Variants in DIP2C observed in about 807,000 individuals in gnomAD.
The protein encoded by DIP2C is DIP2 acetate--CoA ligase C (putative).
In DIP2C, 33 loss-of-function variants were observed where a neutral mutation model predicts 192.4. The observed-to-expected ratio is 0.17, with a 90% CI of 0.13 to 0.23. The LOEUF (loss-of-function observed/expected upper bound fraction) is 0.23, where lower values mean the gene tolerates loss of function less well. DIP2C is among the 10% of genes least tolerant of loss of function. DIP2C has a pLI of 1.00. For synonymous variants in DIP2C, 979 were observed against 864.1 expected (o/e 1.13, Z -2.33); for missense variants, 1,537 against 2,110.1 (o/e 0.73, Z 5.32).
chr10:317,607 G>C (rs938275655), intron 31 of DIP2C, among the ~76,000 whole-genome samples: 7 of 152,222 alleles, frequency 4.6e-5, no homozygotes, highest in African/African-American at 1.7e-4. Flanking sequence ...AGCCAGGCAT[G>C]TTCTGTGACT....
intron 3 of DIP2C, among the ~76,000 whole-genome samples, chr10:450,662 T>C (rs1174170756): frequency 6.6e-6 from 1 of 152,206 alleles, no homozygotes; most frequent in Non-Finnish European, 1.5e-5. Flanking sequence ...CACCTGGGTC[T>C]GTGACCCACA....
At chr10:657,276 C>A (rs1411099541) in intron 1 of DIP2C, among the ~76,000 whole-genome samples, 1 of 3,830 alleles carries the variant, frequency 2.6e-4, no homozygotes, top group African/African-American at 6.1e-4. Context: ...TGGACCTGCC[C>A]CTGGACCTGC....
intron 1 of DIP2C, among the ~76,000 whole-genome samples, chr10:587,283 G>A (rs953199140): frequency 1.3e-5 from 2 of 152,104 alleles, no homozygotes; most frequent in African/African-American, 4.8e-5. Flanking sequence ...CCAGGGTCCC[G>A]CTGATACCAT....
intron 1 of DIP2C, among the ~76,000 whole-genome samples, chr10:683,254 G>A (rs1460339790): frequency 6.6e-6 from 1 of 152,250 alleles, no homozygotes; most frequent in African/African-American, 2.4e-5. Context: ...CAGGACGGTT[G>A]TGCAGGCTCC....
At chr10:344,597 A>G (rs146942974) in intron 28 of DIP2C, among the ~76,000 whole-genome samples, 1 of 152,344 alleles carries the variant, frequency 6.6e-6, no homozygotes, top group African/African-American at 2.4e-5. Context: ...TTCACATAAA[A>G]ACATACTTGG....
At chr10:584,119 G>A (rs934190663) in intron 1 of DIP2C, among the ~76,000 whole-genome samples, 3 of 152,128 alleles carry the variant, frequency 2.0e-5, no homozygotes, top group Admixed American at 2.0e-4. Context: ...CCCCAGGGCT[G>A]AGACTACTTC....
At chr10:514,383 C>T (rs1052938520) in intron 1 of DIP2C, among the ~76,000 whole-genome samples, 2 of 152,218 alleles carry the variant, frequency 1.3e-5, no homozygotes, top group Admixed American at 6.5e-5. Flanking sequence ...ACAACAGCAA[C>T]GGCCACCATT....
chr10:387,597 G>T (rs1357949017), intron 14 of DIP2C, 148 bp downstream of exon 14: 2 of 719,286 alleles, frequency 2.8e-6, no homozygotes, highest in Non-Finnish European at 5.0e-6. Context: ...CAGGCAGGGT[G>T]GGAGGGAGAC....
chr10:616,843 G>A (rs527486418), intron 1 of DIP2C, among the ~76,000 whole-genome samples: 1 of 152,304 alleles, frequency 6.6e-6, no homozygotes, highest in East Asian at 1.9e-4. Context: ...ATCAGCGAGA[G>A]GCCGCCGTGG....
intron 1 of DIP2C, among the ~76,000 whole-genome samples, chr10:624,503 T>C (rs1361038116): frequency 1.3e-5 from 2 of 152,212 alleles, no homozygotes; most frequent in Non-Finnish European, 2.9e-5. Flanking sequence ...CACGGCTCTT[T>C]AAGTGCCTTT....
rs187575633 is a variant in DIP2C, at chr10:590,765, G to T, written c.85+98729C>A. 8.4e-4 allele frequency among the ~76,000 whole-genome samples: 128 copies of T among 152,310 alleles called. 1 individual carries two copies. Among genetic ancestry groups the T allele is most frequent in the African/African-American group, 3.0e-3 (123 of 41,556 alleles). On this transcript the variant is annotated intron_variant, in intron 1 of 36. Transcript: ENST00000280886. ...ATAGAAGGAACCCAGAAACGCTATT[G>T]AAACTCAAATATCTTACAGCCACCA...
chr10:390,999 A>G, intron 10 of DIP2C, 136 bp from the exon 11 acceptor site: 1 of 1,309,716 alleles, frequency 7.6e-7, no homozygotes, highest in Non-Finnish European at 1.0e-6. Context: ...GCTGCTTGGT[A>G]TCTGTGGGAC....
At chr10:341,081 C>T (rs567559634) in intron 29 of DIP2C, 118 bp downstream of exon 29, 136 of 1,416,240 alleles carry the variant, frequency 9.6e-5, no homozygotes, top group Admixed American at 2.2e-4. Context: ...AAGCCCCAGG[C>T]CTCCTCTGGC....
chr10:606,414 T>A (rs1257185936), intron 1 of DIP2C, among the ~76,000 whole-genome samples: 3 of 151,238 alleles, frequency 2.0e-5, no homozygotes, highest in Non-Finnish European at 4.4e-5. Context: ...AATTACCTGC[T>A]GTGATCCGAA....
At chr10:532,186 A>C (rs1404545638) in intron 1 of DIP2C, among the ~76,000 whole-genome samples, 1 of 152,128 alleles carries the variant, frequency 6.6e-6, no homozygotes, top group Non-Finnish European at 1.5e-5. Flanking sequence ...TTTGTATTGC[A>C]TGGATGTAAA....
intron 1 of DIP2C, among the ~76,000 whole-genome samples, chr10:509,813 A>G (rs1426623736): frequency 2.6e-5 from 4 of 151,940 alleles, no homozygotes. Flanking sequence ...TTCGGCATGG[A>G]GAGCAGCTTG....
rs181249930 is a variant in DIP2C at position 307,683 on chromosome 10, A to C, written c.3986+2348T>G. ...CAAAGAGAGAACATCGCGGAGAAAA[A>C]AACAGAAAGGAATGAGAAGAGTGAG... On this transcript the variant is annotated intron_variant, in intron 32 of 36. Transcript: ENST00000280886. 5.1e-4 allele frequency among the ~76,000 whole-genome samples: 77 copies of C among 152,282 alleles called. No homozygotes were observed. The East Asian group carries it at 0.015, about 29-fold the overall frequency.
chr10:523,566 G>GTC (rs1846864433), intron 1 of DIP2C, among the ~76,000 whole-genome samples: 1 of 145,074 alleles, frequency 6.9e-6, no homozygotes, highest in African/African-American at 2.5e-5. Flanking sequence ...GACTCTGCAT[G>GTC]ACCCACACGC....
At chr10:282,956 G>C (rs542683462) in intron 35 of DIP2C, among the ~76,000 whole-genome samples, 1 of 152,356 alleles carries the variant, frequency 6.6e-6, no homozygotes, top group Admixed American at 6.5e-5. Flanking sequence ...GAGACTCTGT[G>C]GTCTGAGACT....
Sources: allele counts gnomAD v4.1 joint callset (sites outside exome capture counted in the v4.1 genomes callset), GRCh38; gene constraint gnomAD v4.1.1; transcripts MANE v1.5; gene names NCBI Gene and HGNC (gene_info 2026-07-23, HGNC 2026-07-21).